MYH11: variants seen among roughly 807,000 people sequenced by gnomAD.
MYH11 encodes the protein myosin heavy chain 11.
MYH11 carries 80 observed loss-of-function variants against 246.6 expected under a neutral mutation model. The observed-to-expected ratio is 0.32, with a 90% confidence interval of 0.27 to 0.39. MYH11 has a LOEUF of 0.39. MYH11 is among the 10% of genes least tolerant of loss of function. The pLI is 1.00. For missense variants in MYH11, 2,158 were observed against 2,546.8 expected (o/e 0.85, Z 3.29); for synonymous variants, 1,071 against 1,015.5 (o/e 1.05, Z -1.04).
intron 36 of MYH11, 60 bp downstream of exon 36, chr16:15,719,160 G>C: frequency 1.3e-6 from 2 of 1,507,958 alleles, no homozygotes. Context: ...GGGGGTCGAG[G>C]ATGCTGCCTG....
intron 25 of MYH11, 29 bp from the exon 26 acceptor site, chr16:15,735,607 C>T (rs1413288940): frequency 6.2e-7 from 1 of 1,611,850 alleles, no homozygotes. Flanking sequence ...GCAGAATGAA[C>T]CCCCAGGTCC....
intron 3 of MYH11, among the ~76,000 whole-genome samples, chr16:15,820,666 G>A (rs138697312): frequency 2.2e-4 from 33 of 152,196 alleles, no homozygotes; most frequent in South Asian, 1.0e-3. Context: ...AGCTCGGGCT[G>A]CAGAAGTCAA....
intron 4 of MYH11, among the ~76,000 whole-genome samples, chr16:15,790,055 G>A (rs559857972): frequency 3.9e-5 from 6 of 152,116 alleles, no homozygotes; most frequent in East Asian, 1.9e-4. Context: ...CTGTCATCCC[G>A]GTACTTTGGG....
chr16:15,717,858 G>T (rs1000164156), intron 37 of MYH11: 1 of 264,680 alleles, frequency 3.8e-6, no homozygotes, highest in Non-Finnish European at 7.3e-6. Flanking sequence ...CTTGTCCCTT[G>T]CTTTCTCTGT....
chr16:15,814,290 C>T lies in MYH11; in HGVS notation c.502+8965G>A, dbSNP rs540210883. On this transcript the variant is annotated intron_variant, in intron 3 of 40. Transcript: ENST00000300036. ...GAAAAAGTCCAGACACCGTGGCTCA[C>T]GCCTGTAATCCCAGCACTTTGGGAG... Among the ~76,000 whole-genome samples the T allele has an allele frequency of 1.3e-4, 20 of 152,072 alleles. No individual in the cohort carries two copies. In the South Asian group the frequency reaches 3.3e-3, roughly 25 times the overall value.
intron 24 of MYH11, 110 bp from the exon 25 acceptor site, chr16:15,737,730 C>T (rs1053660111): frequency 1.5e-5 from 17 of 1,118,800 alleles, no homozygotes; most frequent in Non-Finnish European, 2.1e-5. Context: ...ATCCCCCAAT[C>T]AGTAACCATC....
At chr16:15,844,405 C>T (rs974363610) in intron 1 of MYH11, among the ~76,000 whole-genome samples, 5 of 152,146 alleles carry the variant, frequency 3.3e-5, no homozygotes, top group Admixed American at 6.6e-5. Context: ...ACCATATTGT[C>T]CAGGCTGGTC....
At chr16:15,844,139 A>G (rs2044127876) in intron 1 of MYH11, among the ~76,000 whole-genome samples, 1 of 152,164 alleles carries the variant, frequency 6.6e-6, no homozygotes, top group Non-Finnish European at 1.5e-5. Context: ...AAGGTGATGA[A>G]GCCTCCAGAT....
At chr16:15,754,078 A>AT (rs1275676746) in intron 14 of MYH11, among the ~76,000 whole-genome samples, 1 of 151,034 alleles carries the variant, frequency 6.6e-6, no homozygotes, top group African/African-American at 2.4e-5. Flanking sequence ...TTAGCCAGGC[A>AT]TGGTGGTGCA....
Position 15,756,409 on chromosome 16 carries a change from G to A in MYH11, c.1681C>T (p.Pro561Ser). 1.2e-6 allele frequency: 2 copies of A among 1,614,122 alleles called. No homozygotes were observed. The highest frequency in any genetic ancestry group is 1.7e-6 in the Non-Finnish European group (2 of 1,180,034). Reference protein sequence around the residue: ...EKLCTEQGSHPKFQKPKQLKD... With the variant: ...EKLCTEQGSHSKFQKPKQLKD... ...AGCTGCTTGGGCTTCTGGAACTTGG[G>A]GTGGCTGCCCTGCTCCGTGCACAGC... Residue 561 changes from proline (P) to serine (S), a missense_variant, in exon 14 of 41, where the codon CCC becomes TCC. Physicochemically the swap from Pro to Ser is moderately conservative, Grantham distance 74. Around this residue, in one of 11 missense-constraint regions of MYH11, gnomAD observed 317 missense variants for 507.7 expected, o/e 0.62. Coordinates refer to ENST00000300036, the MANE Select transcript of MYH11 (RefSeq NM_002474.3).
intron 31 of MYH11, among the ~76,000 whole-genome samples, chr16:15,723,089 A>C (rs568810217): frequency 6.6e-6 from 1 of 152,142 alleles, no homozygotes; most frequent in African/African-American, 2.4e-5. Context: ...TGTAAACTAA[A>C]TCATATTTAC....
chr16:15,841,244 T>C (rs552628318), intron 1 of MYH11, among the ~76,000 whole-genome samples: 4 of 152,322 alleles, frequency 2.6e-5, no homozygotes, highest in Middle Eastern at 3.4e-3. Context: ...TTCAAGCGAT[T>C]CTCCTGCCTT....
Position 15,750,004 on chromosome 16 carries a change from A to G in MYH11, c.2058+134T>C, listed in dbSNP as rs2041521203. 2.7e-6 allele frequency: 3 copies of G among 1,115,882 alleles called. No homozygotes were observed. The Admixed American group carries it at 6.1e-5, about 23-fold the overall frequency. The allele number at this position is 1,115,882 out of a possible 1,614,324, so 69.1% of individuals were successfully genotyped here. ...TCCAGGGATGGGGAATGGGTCTGAG[A>G]TTCAGATAGCCTTCCCCACATGGAA... On this transcript the variant is annotated intron_variant, in intron 16 of 40. Coordinates refer to ENST00000300036, the MANE Select transcript of MYH11 (RefSeq NM_002474.3). The surrounding 1 kb of genome is among the most constrained non-coding windows in gnomAD (Gnocchi z 4.3).
chr16:15,761,887 C>T (rs998014208), intron 10 of MYH11, among the ~76,000 whole-genome samples: 3 of 152,230 alleles, frequency 2.0e-5, no homozygotes, highest in South Asian at 2.1e-4. Flanking sequence ...TCTGACCTAA[C>T]GGACTCCACC....
chr16:15,787,501 T>TTTTG (rs2042499246), intron 4 of MYH11, among the ~76,000 whole-genome samples: 1 of 136,372 alleles, frequency 7.3e-6, no homozygotes. Context: ...TTTTTTTTTT[T>TTTTG]GAGATGGAGT....
chr16:15,753,118 A>C (rs2041616221), intron 15 of MYH11, among the ~76,000 whole-genome samples: 1 of 152,136 alleles, frequency 6.6e-6, no homozygotes, highest in Admixed American at 6.6e-5. Context: ...AGGGCAGTCT[A>C]ACTCCCCGTG....
At chr16:15,796,223 C>A (rs1469834111) in intron 4 of MYH11, among the ~76,000 whole-genome samples, 1 of 152,184 alleles carries the variant, frequency 6.6e-6, no homozygotes, top group African/African-American at 2.4e-5. Flanking sequence ...CTGCAATATA[C>A]TTGCCACTTT....
rs1376608698 is a variant in MYH11, at chr16:15,738,659, A to G, written c.3027T>C (p.Ser1009=). 2 of 1,613,916 alleles carry G rather than the reference A, an allele frequency of 1.2e-6. No individual in the cohort carries two copies. The highest frequency in any genetic ancestry group is 1.7e-6 in the Non-Finnish European group (2 of 1,179,948). Residue 1009 remains serine (S), a synonymous_variant, in exon 24 of 41, where the codon AGT becomes AGC. Transcript: ENST00000300036. ...CTTCTGCAAGATTTGTCGTTAAGTC[A>G]CTAATCCTCTCCTCAAGGAGTTTTC... ...KERKLLEERI[S]DLTTNLAEEE...
chr16:15,711,640 A>G (rs1180056500), intron 40 of MYH11, among the ~76,000 whole-genome samples: 1 of 152,134 alleles, frequency 6.6e-6, no homozygotes, highest in Non-Finnish European at 1.5e-5. Flanking sequence ...AAGCGGGGAA[A>G]ATATCTAGGA....
Sources: allele counts gnomAD v4.1 joint callset (sites outside exome capture counted in the v4.1 genomes callset), GRCh38; gene constraint gnomAD v4.1.1; regional missense constraint gnomAD v4.1.1; non-coding constraint Gnocchi (gnomAD v3.1); transcripts MANE v1.5; gene names NCBI Gene and HGNC (gene_info 2026-07-23, HGNC 2026-07-21).